KCNH3: variants seen among roughly 807,000 people sequenced by gnomAD.
The protein encoded by KCNH3 is potassium voltage-gated channel subfamily H member 3, also known as voltage-gated inwardly rectifying potassium channel KCNH3.
A neutral mutation model predicts 95.6 loss-of-function variants in KCNH3; 36 were observed. That is an observed-to-expected ratio of 0.38 (90% CI 0.29 to 0.50). The LOEUF is 0.50. Ranked by LOEUF, KCNH3 falls within the 20% of genes least tolerant of loss-of-function variation. The probability of loss-of-function intolerance (pLI) is 0.95; values close to 1 mark genes in which losing one functional copy is unlikely to be tolerated. For synonymous variants in KCNH3, 620 were observed against 646.3 expected (o/e 0.96, Z 0.62); for missense variants, 1,030 against 1,484.1 (o/e 0.69, Z 5.03).
chr12:49,542,698 T>C lies in KCNH3; in HGVS notation c.446-8T>C, dbSNP rs752835266. 61 of 1,566,506 alleles carry C rather than the reference T, an allele frequency of 3.9e-5. No individual in the cohort carries two copies. Among genetic ancestry groups the C allele is most frequent in the Middle Eastern group, 1.9e-4 (1 of 5,200 alleles). On this transcript the variant is annotated splice_polypyrimidine_tract_variant and splice_region_variant and intron_variant, in intron 3 of 14. Transcript: ENST00000257981. ...CCATCATCTTCATGGGCCCCTCTTC[T>C]TTCGCAGGTGGTGGCCGGCGCCGAT...
rs768498939 is a variant in KCNH3 at position 49,539,388 on chromosome 12, G to T, written c.-29G>T. 6.6e-7 allele frequency: 1 copy of T among 1,504,332 alleles called. No homozygotes were observed. Among genetic ancestry groups the T allele is most frequent in the South Asian group, 1.2e-5 (1 of 80,430 alleles). 93.2% of individuals were successfully genotyped at this position (1,504,332 alleles called of 1,614,324 possible). On this transcript the variant is annotated 5_prime_UTR_variant, in exon 1 of 15. Coordinates refer to ENST00000257981, the MANE Select transcript of KCNH3 (RefSeq NM_012284.3). This position sits in a 1 kb window ranked among gnomAD's most constrained non-coding sequence, Gnocchi z 6.7. ...GCGCGGAGTCCCCGCACCCCGGAGG[G>T]ATGGGGCGGGCAGCCGCGGGCGCCT... is the stretch of plus-strand genomic sequence containing the variant.
chr12:49,550,173 C>T lies in KCNH3; in HGVS notation c.1762C>T (p.Arg588Cys), dbSNP rs1938213470. 1 of 1,609,396 alleles carries T rather than the reference C, an allele frequency of 6.2e-7. No homozygotes were observed. ...LQLPLFEAAS[R>C]GCLRALSLAL... Reference sequence around the variant, plus strand: ...GCTGCCACTGTTTGAGGCGGCCAGCCGCGGCTGCCTGCGGGCACTGTCTCT... The same window carrying T: ...GCTGCCACTGTTTGAGGCGGCCAGCTGCGGCTGCCTGCGGGCACTGTCTCT... The change falls in exon 10 of 15, where the codon CGC becomes TGC. Residue 588 changes from arginine to cysteine, a missense_variant. By Grantham distance (180) the Arg-to-Cys change is radical (BLOSUM62 -3). Coordinates refer to ENST00000257981, the MANE Select transcript of KCNH3 (RefSeq NM_012284.3).
At chr12:49,543,659 C>T (rs1300326007) in intron 5 of KCNH3, 141 bp downstream of exon 5, 9 of 1,247,076 alleles carry the variant, frequency 7.2e-6, no homozygotes, top group Non-Finnish European at 9.8e-6. Context: ...GAAATCAGAC[C>T]TAGGTTCCAA....
At chr12:49,543,579 AT>A in intron 5 of KCNH3, 61 bp downstream of exon 5, 8 of 1,562,130 alleles carry the variant, frequency 5.1e-6, no homozygotes, top group Non-Finnish European at 6.9e-6. Context: ...TTTGCTGGGG[AT>A]AGTCCACGTG....
chr12:49,544,145 T>TGCCC, intron 6 of KCNH3, 30 bp from the exon 7 acceptor site: 11 of 818,190 alleles, frequency 1.3e-5, no homozygotes, highest in East Asian at 4.0e-5. Flanking sequence ...CTGACCTCCC[T>TGCCC]CCCTCCCTCC....
rs761408538 is a variant in KCNH3 at position 49,549,652 on chromosome 12, G to T, written c.1668+12G>T. The T allele has an allele frequency of 1.2e-6, 2 of 1,603,594 alleles. No homozygotes were observed. Among genetic ancestry groups the T allele is most frequent in the South Asian group, 2.2e-5 (2 of 90,732 alleles). ...TCGACACCACCGAGGTGCGGCCTCC[G>T]GGGCTGGGCCTGCTAGCCTTTGCTC... On this transcript the variant is annotated intron_variant, in intron 9 of 14. Transcript: ENST00000257981.
chr12:49,557,694 C>T lies in KCNH3; in HGVS notation c.2993C>T (p.Ser998Leu). The T allele has an allele frequency of 6.2e-7, 1 of 1,613,884 alleles. No homozygotes were observed. The highest frequency in any genetic ancestry group is 8.5e-7 in the Non-Finnish European group (1 of 1,180,014). Residue 998 changes from serine to leucine, a missense_variant, in exon 15 of 15, where the codon TCA (serine) becomes TTA (leucine). Coordinates refer to ENST00000257981, the MANE Select transcript of KCNH3 (RefSeq NM_012284.3). ...GCCACAGCTTTCTGGACCTCCACCT[C>T]AGACTCAGAGCCCCCTGCCTCAGGA... ...PRATAFWTSTSDSEPPASGDL... is the reference protein window; with the variant it reads ...PRATAFWTSTLDSEPPASGDL...
intron 10 of KCNH3, 23 bp from the exon 11 acceptor site, chr12:49,554,314 T>C (rs1035142667): frequency 5.0e-6 from 8 of 1,600,930 alleles, no homozygotes; most frequent in Non-Finnish European, 6.0e-6. Flanking sequence ...CAGGGCTTGC[T>C]GACCTCTACT....
chr12:49,549,782 G>T, intron 9 of KCNH3, 142 bp downstream of exon 9: 1 of 854,330 alleles, frequency 1.2e-6, no homozygotes, highest in Non-Finnish European at 1.8e-6. Flanking sequence ...CAGCGGCATG[G>T]GACAGAGGGC....
At chr12:49,549,222 C>T (rs776992234) in intron 8 of KCNH3, 49 bp downstream of exon 8, 2 of 1,533,330 alleles carry the variant, frequency 1.3e-6, no homozygotes, top group Admixed American at 2.0e-5. Flanking sequence ...AGACTTCTGC[C>T]CGCAGGCGGC....
chr12:49,550,043 TCC>T, intron 9 of KCNH3, 35 bp from the exon 10 acceptor site: 1 of 1,299,542 alleles, frequency 7.7e-7, no homozygotes, highest in Non-Finnish European at 1.1e-6. Context: ...CTTCTGCCAC[TCC>T]CAACCCCCCC....
At chr12:49,546,266 G>A (rs533513735) in intron 7 of KCNH3, 115 of 152,310 alleles carry the variant, frequency 7.6e-4, no homozygotes, top group African/African-American at 2.7e-3. Context: ...CTGAGTTCCA[G>A]GGTGGTTTCG....
chr12:49,548,314 T>C (rs1271173625), intron 7 of KCNH3, among the ~76,000 whole-genome samples: 1 of 152,188 alleles, frequency 6.6e-6, no homozygotes, highest in Non-Finnish European at 1.5e-5. Flanking sequence ...CATGTGTCCT[T>C]GTCTTCTTGA....
chr12:49,556,242 C>G, intron 12 of KCNH3, 128 bp from the exon 13 acceptor site: 1 of 727,948 alleles, frequency 1.4e-6, no homozygotes, highest in Non-Finnish European at 2.4e-6. Flanking sequence ...TGTTAGCTTT[C>G]TCCTGGGCTC....
At chr12:49,550,703 G>C (rs1301621039) in intron 10 of KCNH3, among the ~76,000 whole-genome samples, 2 of 152,176 alleles carry the variant, frequency 1.3e-5, no homozygotes, top group East Asian at 3.9e-4. Flanking sequence ...AACAAAAGCT[G>C]TCTTTGTGGT....
rs747140335 is a variant in KCNH3 at position 49,549,594 on chromosome 12, A to G, written c.1622A>G (p.Tyr541Cys). Reference protein sequence around the residue: ...PKPLKQRMLEYFQATWAVNNG... With the variant: ...PKPLKQRMLECFQATWAVNNG... ...CCCCTCAAGCAGCGCATGCTGGAGTACTTCCAGGCCACCTGGGCGGTGAAC... is the reference window on the plus strand; with the variant it reads ...CCCCTCAAGCAGCGCATGCTGGAGTGCTTCCAGGCCACCTGGGCGGTGAAC... Residue 541 changes from tyrosine to cysteine, a missense_variant, in exon 9 of 15, where the codon TAC becomes TGC. Transcript: ENST00000257981. 7.4e-6 allele frequency: 12 copies of G among 1,612,606 alleles called. No homozygotes were observed. The Admixed American group carries it at 8.3e-5, about 11-fold the overall frequency.
In KCNH3 at chr12:49,549,148, C is replaced by T. The variant is rs1304689756; in HGVS notation, c.1443C>T (p.Phe481=). 8 of 1,609,788 alleles carry T rather than the reference C, an allele frequency of 5.0e-6. No individual in the cohort carries two copies. Among genetic ancestry groups the T allele is most frequent in the African/African-American group, 1.3e-5 (1 of 74,880 alleles). Reference sequence around the variant, plus strand: ...CCAACACGGACACCGAGAAGATCTTCTCCATCTGCACCATGCTCATCGGCG... The same window carrying T: ...CCAACACGGACACCGAGAAGATCTTTTCCATCTGCACCATGCTCATCGGCG... The part of the protein sequence containing the change: ...VSANTDTEKI[F]SICTMLIGAL... Residue 481 remains phenylalanine, a synonymous_variant, in exon 8 of 15, where the codon TTC becomes TTT. Transcript: ENST00000257981.
intron 2 of KCNH3, among the ~76,000 whole-genome samples, 199 bp from the exon 3 acceptor site, chr12:49,541,431 C>T (rs915835830): frequency 2.0e-5 from 3 of 152,204 alleles, no homozygotes; most frequent in South Asian, 4.1e-4. Flanking sequence ...CAGGTCTGAC[C>T]GTCATGTTTG....
chr12:49,548,098 G>A lies in KCNH3; in HGVS notation c.1190-797G>A, dbSNP rs969408389. On this transcript the variant is annotated intron_variant, in intron 7 of 14. Coordinates refer to ENST00000257981, the MANE Select transcript of KCNH3 (RefSeq NM_012284.3). The stretch of plus-strand genomic sequence containing the variant: ...GGCCCGGTCTAGCCTGTGACTACGT[G>A]TGTGTGTGTGTGTGTGTGTGTGTGT... Among the ~76,000 whole-genome samples the A allele has an allele frequency of 1.3e-4, 9 of 68,958 alleles. No individual in the cohort carries two copies. The South Asian group carries it at 2.5e-3, about 19-fold the overall frequency. 45.2% of individuals were successfully genotyped at this position (68,958 alleles called of 152,430 possible). A position where few individuals can be genotyped will look rare whatever the true frequency, so the allele number is the denominator to read the frequency against.
Sources: gnomAD v4.1 joint callset for allele counts (sites outside exome capture counted in the v4.1 genomes callset) on GRCh38, gnomAD v4.1.1 for gene constraint, Gnocchi (gnomAD v3.1) non-coding constraint, MANE v1.5 for transcripts, NCBI Gene and HGNC (gene_info 2026-07-23, HGNC 2026-07-21) for gene names.